Variants in NCOA1 observed in about 807,000 individuals in gnomAD.
The protein encoded by NCOA1 is Hin-2 protein.
Under a neutral mutation model 150.9 loss-of-function variants are expected in NCOA1, and 35 were observed. The observed-to-expected ratio is 0.23, with a 90% CI of 0.18 to 0.31. The LOEUF (loss-of-function observed/expected upper bound fraction) is 0.31, where lower values mean the gene tolerates loss of function less well. Ranked by LOEUF, NCOA1 falls within the 10% of genes least tolerant of loss-of-function variation. The pLI is 1.00. For synonymous variants in NCOA1, 590 were observed against 630.0 expected (o/e 0.94, Z 0.95); for missense variants, 1,491 against 1,749.3 (o/e 0.85, Z 2.63).
intron 7 of NCOA1, among the ~76,000 whole-genome samples, chr2:24,677,436 T>G (rs1013615201): frequency 1.3e-5 from 2 of 152,184 alleles, no homozygotes; most frequent in Non-Finnish European, 2.9e-5. Context: ...TGGTTGGTTT[T>G]GTTTTTTGAG....
In NCOA1 at chr2:24,707,758, C is replaced by G; in HGVS notation, c.2288C>G (p.Thr763Ser). 1.2e-6 allele frequency: 2 copies of G among 1,614,174 alleles called. No homozygotes were observed. The highest frequency in any genetic ancestry group is 1.7e-6 in the Non-Finnish European group (2 of 1,180,028). Residue 763 changes from threonine to serine, a missense_variant, in exon 13 of 23, where the codon ACT becomes AGT. By Grantham distance (58) the Thr-to-Ser change is moderately conservative. Coordinates refer to ENST00000348332, the MANE Select transcript of NCOA1 (RefSeq NM_003743.5). ...AAAGATGAGAAAGATTTAAGATCAA[C>G]TCCAAACCTGAGCCTGGATGATGTA... ...LDKDEKDLRS[T>S]PNLSLDDVKV... is the part of the protein sequence containing the mutation.
At chr2:24,534,018 T>C (rs1026011359) in intron 1 of NCOA1, among the ~76,000 whole-genome samples, 3 of 152,218 alleles carry the variant, frequency 2.0e-5, no homozygotes, top group Non-Finnish European at 4.4e-5. Flanking sequence ...GAAGGAATGA[T>C]ACCAGCTCCT....
At position 24,769,721 on chromosome 2, in the gene NCOA1, A is replaced by G; in HGVS notation, c.*1330A>G. On this transcript the variant is annotated 3_prime_UTR_variant, in exon 23 of 23. Coordinates refer to ENST00000348332, the MANE Select transcript of NCOA1 (RefSeq NM_003743.5). ...GTGTCTTGTGACTCTGCCACATCCC[A>G]TCTCATCCTGGCCTCTGAGTCAAGA... The G allele has an allele frequency of 4.5e-6, 1 of 220,650 alleles. No individual in the cohort carries two copies. The highest frequency in any genetic ancestry group is 9.1e-6 in the Non-Finnish European group (1 of 109,844). The allele number at this position is 220,650 out of a possible 1,614,324, so 13.7% of individuals were successfully genotyped here. A position where few individuals can be genotyped will look rare whatever the true frequency, so the allele number is the denominator to read the frequency against.
chr2:24,506,006 G>A (rs983062677), intron 1 of NCOA1, among the ~76,000 whole-genome samples: 1 of 151,436 alleles, frequency 6.6e-6, no homozygotes, highest in Non-Finnish European at 1.5e-5. Flanking sequence ...GCTTGAATGA[G>A]TGAGCATTGG....
At chr2:24,587,005 A>G (rs1166754942) in intron 3 of NCOA1, among the ~76,000 whole-genome samples, 1 of 151,982 alleles carries the variant, frequency 6.6e-6, no homozygotes, top group Non-Finnish European at 1.5e-5. Context: ...CCCGTTTCTC[A>G]GGACAGAAGG....
At chr2:24,763,408 G>T (rs190754539) in intron 22 of NCOA1, among the ~76,000 whole-genome samples, 3 of 150,930 alleles carry the variant, frequency 2.0e-5, no homozygotes, top group Admixed American at 1.3e-4. Context: ...GTGAGGTGGC[G>T]GGTGCCTGTA....
At chr2:24,511,034 T>TA (rs778303842) in intron 1 of NCOA1, among the ~76,000 whole-genome samples, 36 of 152,198 alleles carry the variant, frequency 2.4e-4, no homozygotes, top group Admixed American at 7.2e-4. Flanking sequence ...AGGCACCCAC[T>TA]AATCTATTTG....
At chr2:24,522,695 T>C (rs1006606436) in intron 1 of NCOA1, among the ~76,000 whole-genome samples, 1 of 152,060 alleles carries the variant, frequency 6.6e-6, no homozygotes, top group Non-Finnish European at 1.5e-5. Flanking sequence ...GGGACAGATA[T>C]TAAAATAGAT....
At chr2:24,749,347 A>G (rs182377364) in intron 19 of NCOA1, among the ~76,000 whole-genome samples, 2 of 152,336 alleles carry the variant, frequency 1.3e-5, no homozygotes, top group Admixed American at 6.5e-5. Context: ...ACCAGAGAGG[A>G]TAGCACTACA....
Position 24,715,155 on chromosome 2 carries a change from T to A in NCOA1, c.2599+4044T>A, listed in dbSNP as rs564408050. On this transcript the variant is annotated intron_variant, in intron 14 of 22. Transcript: ENST00000348332. ...ATTTGTCACCAGCAGATTACACTAT[T>A]GTTCAAGCTAAAATAAAATGAATCC... Among the ~76,000 whole-genome samples, 5 of 152,260 alleles carry A rather than the reference T, an allele frequency of 3.3e-5. No individual in the cohort carries two copies. In the South Asian group the frequency reaches 8.3e-4, roughly 25 times the overall value.
chr2:24,756,071 T>TAAAA (rs369987098), intron 20 of NCOA1, among the ~76,000 whole-genome samples: 10 of 108,148 alleles, frequency 9.2e-5, no homozygotes, highest in East Asian at 2.8e-4. Flanking sequence ...CCATCTCTAC[T>TAAAA]AAAAAAAAAA....
rs776198820 is a variant in NCOA1, at chr2:24,697,811, C to T, written c.949+13C>T. On this transcript the variant is annotated intron_variant, in intron 11 of 22. Transcript: ENST00000348332. ...CTGTTCCAAGAAGGTAAAATTTTCT[C>T]TCTCAATTATTTTCATTAACCCTTA... is the stretch of plus-strand genomic sequence containing the variant. 5 of 1,609,086 alleles carry T rather than the reference C, an allele frequency of 3.1e-6. No individual in the cohort carries two copies. The South Asian group carries it at 4.4e-5, about 14-fold the overall frequency.
intron 1 of NCOA1, among the ~76,000 whole-genome samples, chr2:24,540,647 C>T (rs530817476): frequency 3.6e-4 from 55 of 151,980 alleles, no homozygotes; most frequent in African/African-American, 1.3e-3. Context: ...TTAGTAGAGA[C>T]GAGGTTTCAC....
chr2:24,511,127 C>G (rs1663919618), intron 1 of NCOA1, among the ~76,000 whole-genome samples: 1 of 152,150 alleles, frequency 6.6e-6, no homozygotes, highest in Non-Finnish European at 1.5e-5. Context: ...ACTTCTTTCA[C>G]TTAGTGTAAT....
intron 8 of NCOA1, among the ~76,000 whole-genome samples, chr2:24,685,096 T>A (rs987418290): frequency 6.6e-6 from 1 of 151,478 alleles, no homozygotes; most frequent in African/African-American, 2.4e-5. Flanking sequence ...GGATCATTAT[T>A]TATATATATA....
chr2:24,568,717 C>A (rs561076987), intron 2 of NCOA1, among the ~76,000 whole-genome samples: 11 of 152,114 alleles, frequency 7.2e-5, no homozygotes, highest in Non-Finnish European at 1.5e-4. Flanking sequence ...AAGTTAATAG[C>A]AAATATTATG....
At chr2:24,724,353 AAGAG>A (rs1411622389) in intron 14 of NCOA1, among the ~76,000 whole-genome samples, 2 of 152,168 alleles carry the variant, frequency 1.3e-5, no homozygotes, top group African/African-American at 2.4e-5. Flanking sequence ...TCTCTGGACA[AAGAG>A]AGAGAGCCTG....
At chr2:24,550,375 A>G (rs997094926) in intron 1 of NCOA1, among the ~76,000 whole-genome samples, 10 of 152,346 alleles carry the variant, frequency 6.6e-5, no homozygotes, top group Non-Finnish European at 1.3e-4. Context: ...TAATGGACTT[A>G]CATTTCCACG....
intron 11 of NCOA1, among the ~76,000 whole-genome samples, chr2:24,702,412 C>T (rs1399463351): frequency 6.6e-6 from 1 of 152,138 alleles, no homozygotes; most frequent in Non-Finnish European, 1.5e-5. Context: ...TAGTACCCTG[C>T]CACACATTTT....
Sources: gnomAD v4.1 joint callset for allele counts (sites outside exome capture counted in the v4.1 genomes callset) on GRCh38, gnomAD v4.1.1 for gene constraint, MANE v1.5 for transcripts, NCBI Gene and HGNC (gene_info 2026-07-23, HGNC 2026-07-21) for gene names.